SHISA7: variants seen among roughly 807,000 people sequenced by gnomAD.
The protein encoded by SHISA7 is shisa family member 7.
A neutral mutation model predicts 23.9 loss-of-function variants in SHISA7; 6 were observed. That is an observed-to-expected ratio of 0.25 (90% CI 0.14 to 0.50). The LOEUF (loss-of-function observed/expected upper bound fraction) is 0.50. Ranked by LOEUF, SHISA7 falls within the 20% of genes least tolerant of loss-of-function variation. SHISA7 has a pLI of 0.98. For synonymous variants in SHISA7, 386 were observed against 398.3 expected (o/e 0.97, Z 0.37); for missense variants, 671 against 801.1 (o/e 0.84, Z 1.96).
At chr19:55,434,636 G>T (rs1004969841) in intron 3 of SHISA7, among the ~76,000 whole-genome samples, 6 of 107,448 alleles carry the variant, frequency 5.6e-5, no homozygotes, top group Non-Finnish European at 1.1e-4. Context: ...TGTGGTGTGT[G>T]TGGTTGTGTG....
chr19:55,429,711 T>C lies in SHISA7; in HGVS notation c.*3445A>G, dbSNP rs917891845. On this transcript the variant is annotated 3_prime_UTR_variant, in exon 4 of 4. Coordinates refer to ENST00000376325, the MANE Select transcript of SHISA7 (RefSeq NM_001145176.2). ...AATGGCCGCCCCCGCAACATGGCTATGTACAAAGAGAATTGAGGGAAGATT... is the reference window on the plus strand; with the variant it reads ...AATGGCCGCCCCCGCAACATGGCTACGTACAAAGAGAATTGAGGGAAGATT... The C allele has an allele frequency of 6.6e-6, 1 of 152,084 alleles. No individual in the cohort carries two copies. Among genetic ancestry groups the C allele is most frequent in the Non-Finnish European group, 1.5e-5 (1 of 68,054 alleles). 9.4% of individuals were successfully genotyped at this position (152,084 alleles called of 1,614,324 possible).
At position 55,433,463 on chromosome 19, in the gene SHISA7, A is replaced by T; in HGVS notation, c.1310T>A (p.Leu437Gln). 7.3e-7 allele frequency: 1 copy of T among 1,365,768 alleles called. No homozygotes were observed. 84.6% of individuals were successfully genotyped at this position (1,365,768 alleles called of 1,614,324 possible). A position where few individuals can be genotyped will look rare whatever the true frequency, so the allele number is the denominator to read the frequency against. The change falls in exon 4 of 4, where the codon CTG (leucine) becomes CAG (glutamine). Residue 437 changes from leucine to glutamine, a missense_variant. Leu to Gln is a moderately radical substitution (Grantham distance 113). Coordinates refer to ENST00000376325, the MANE Select transcript of SHISA7 (RefSeq NM_001145176.2). The surrounding 1 kb of genome is among the most constrained non-coding windows in gnomAD (Gnocchi z 8.4). ...GGCCCGGGCGGTGGGGTCGGGGGGC[A>T]GCGCGGGGCTGCGCGGGGGCGACAG... ...HLLSPPRSPALPPDPTARASL... is the reference protein window; with the variant it reads ...HLLSPPRSPAQPPDPTARASL...
At chr19:55,434,852 T>G (rs1242715550) in intron 3 of SHISA7, among the ~76,000 whole-genome samples, 3 of 84,922 alleles carry the variant, frequency 3.5e-5, no homozygotes, top group East Asian at 4.1e-4. Context: ...TGTGTGTGCG[T>G]GTGTGTATAT....
intron 2 of SHISA7, among the ~76,000 whole-genome samples, chr19:55,438,039 C>T (rs567627822): frequency 4.9e-4 from 71 of 143,938 alleles, no homozygotes; most frequent in African/African-American, 1.6e-3. Context: ...CGTCCAGGCC[C>T]CCAGCCCCTC....
Position 55,431,510 on chromosome 19 carries a change from C to A in SHISA7, c.*1646G>T, listed in dbSNP as rs1985207200. ...GGGGAGTCTTGGCAGATGGTGACAC[C>A]ATTAGTCATGGTAAATCCTGGAAGA... On this transcript the variant is annotated 3_prime_UTR_variant, in exon 4 of 4. Transcript: ENST00000376325. 2 of 151,992 alleles carry A rather than the reference C, an allele frequency of 1.3e-5. No homozygotes were observed. Among genetic ancestry groups the A allele is most frequent in the Non-Finnish European group, 2.9e-5 (2 of 67,984 alleles). 9.4% of individuals were successfully genotyped at this position (151,992 alleles called of 1,614,324 possible). A position where few individuals can be genotyped will look rare whatever the true frequency, so the allele number is the denominator to read the frequency against.
intron 3 of SHISA7, among the ~76,000 whole-genome samples, chr19:55,434,504 GT>G: frequency 7.8e-6 from 1 of 127,408 alleles, no homozygotes; most frequent in East Asian, 2.6e-4. Context: ...TATGTGGTGT[GT>G]ATGTGGTGTG....
chr19:55,435,225 T>C (rs1382539514), intron 3 of SHISA7, among the ~76,000 whole-genome samples: 9 of 123,866 alleles, frequency 7.3e-5, no homozygotes, highest in Non-Finnish European at 1.3e-4. Flanking sequence ...GGTGTGTGTG[T>C]ATGTGTGTGT....
chr19:55,441,393 C>T lies in SHISA7; in HGVS notation c.672-628G>A, dbSNP rs548719595. Among the ~76,000 whole-genome samples the T allele has an allele frequency of 2.7e-3, 412 of 152,266 alleles. 4 individuals carry two copies. The highest frequency in any genetic ancestry group is 2.9e-3 in the Non-Finnish European group (200 of 68,028). ...AGGACCCTGCAGTGGCCCCATCACA[C>T]TTAGGATAAACCCGGGCCCGCCTAC... On this transcript the variant is annotated intron_variant, in intron 1 of 3. Coordinates refer to ENST00000376325, the MANE Select transcript of SHISA7 (RefSeq NM_001145176.2).
chr19:55,438,589 G>A (rs938903153), intron 2 of SHISA7: 53 of 1,304,198 alleles, frequency 4.1e-5, no homozygotes, highest in East Asian at 5.5e-5. Context: ...GCTTGGGGCT[G>A]TTGACGTTGA....
At position 55,431,658 on chromosome 19, in the gene SHISA7, G is replaced by A. The variant is rs1379273845; in HGVS notation, c.*1498C>T. On this transcript the variant is annotated 3_prime_UTR_variant, in exon 4 of 4. Coordinates refer to ENST00000376325, the MANE Select transcript of SHISA7 (RefSeq NM_001145176.2). ...TGGCGGGTGTTGTGTGATGCTGACA[G>A]TGTCAGTGAGGGCAAGAGTAGGTGT... 2.6e-5 allele frequency: 4 copies of A among 152,162 alleles called. No individual in the cohort carries two copies. Among genetic ancestry groups the A allele is most frequent in the Non-Finnish European group, 5.9e-5 (4 of 68,050 alleles). The allele number at this position is 152,162 out of a possible 1,614,324, so 9.4% of individuals were successfully genotyped here. A position where few individuals can be genotyped will look rare whatever the true frequency, so the allele number is the denominator to read the frequency against.
chr19:55,436,603 C>CAAAAA (rs35561645), intron 3 of SHISA7, among the ~76,000 whole-genome samples: 1 of 114,634 alleles, frequency 8.7e-6, no homozygotes, highest in Non-Finnish European at 1.9e-5. Context: ...GACTCTGTCT[C>CAAAAA]AAAAAAAAAA....
At chr19:55,434,992 G>C (rs1169492533) in intron 3 of SHISA7, among the ~76,000 whole-genome samples, 45 of 122,930 alleles carry the variant, frequency 3.7e-4, no homozygotes, top group South Asian at 8.8e-4. Flanking sequence ...GGTGTGTATG[G>C]TGTGTGTGTG....
intron 3 of SHISA7, among the ~76,000 whole-genome samples, chr19:55,434,850 CGTGTGTGTAT>C (rs1267788649): frequency 2.9e-5 from 1 of 34,974 alleles, no homozygotes. Flanking sequence ...TGTGTGTGTG[CGTGTGTGTAT>C]ATGTGGTGTG....
intron 3 of SHISA7, among the ~76,000 whole-genome samples, chr19:55,434,339 TGC>T (rs1364616950): frequency 5.8e-4 from 71 of 122,084 alleles, no homozygotes; most frequent in African/African-American, 2.2e-3. Flanking sequence ...GTGGTGTGTG[TGC>T]GTGTGTGGTG....
At chr19:55,435,264 TGTGTGC>T (rs553638913) in intron 3 of SHISA7, among the ~76,000 whole-genome samples, 150 of 132,678 alleles carry the variant, frequency 1.1e-3, no homozygotes, top group African/African-American at 4.1e-3. Context: ...GGTGTGTATG[TGTGTGC>T]GTGTGTGCGT....
chr19:55,442,174 C>A lies in SHISA7; in HGVS notation c.671+19G>T. ...CCCCGCCCCAGGCTCGCAGTCCTCC[C>A]GCCCGAGAGCACACGCACCTGGGCA... On this transcript the variant is annotated intron_variant, in intron 1 of 3. Coordinates refer to ENST00000376325, the MANE Select transcript of SHISA7 (RefSeq NM_001145176.2). The A allele has an allele frequency of 6.6e-7, 1 of 1,526,506 alleles. No homozygotes were observed. The allele number at this position is 1,526,506 out of a possible 1,614,324, so 94.6% of individuals were successfully genotyped here.
intron 3 of SHISA7, among the ~76,000 whole-genome samples, chr19:55,434,762 GT>G (rs1985354415): frequency 8.2e-6 from 1 of 122,192 alleles, no homozygotes; most frequent in Non-Finnish European, 1.7e-5. Flanking sequence ...TGTGGTGTGT[GT>G]GGTGTGTGGT....
rs567466643 is a variant in SHISA7, at chr19:55,432,654, T to C, written c.*502A>G. Reference sequence around the variant, plus strand: ...GAAAATATCTTCCCCATGGCGATGATGCCAAAAGAGGCCTTGGAGTTAGAG... The same window carrying C: ...GAAAATATCTTCCCCATGGCGATGACGCCAAAAGAGGCCTTGGAGTTAGAG... On this transcript the variant is annotated 3_prime_UTR_variant, in exon 4 of 4. Coordinates refer to ENST00000376325, the MANE Select transcript of SHISA7 (RefSeq NM_001145176.2). This position sits in a 1 kb window ranked among gnomAD's most constrained non-coding sequence, Gnocchi z 4.6. 6.5e-6 allele frequency: 1 copy of C among 153,392 alleles called. No homozygotes were observed. Among genetic ancestry groups the C allele is most frequent in the Non-Finnish European group, 1.5e-5 (1 of 68,506 alleles). The allele number at this position is 153,392 out of a possible 1,614,324, so 9.5% of individuals were successfully genotyped here. A position where few individuals can be genotyped will look rare whatever the true frequency, so the allele number is the denominator to read the frequency against.
Position 55,433,903 on chromosome 19 carries a change from A to C in SHISA7, c.977-107T>G. On this transcript the variant is annotated intron_variant, in intron 3 of 3. Coordinates refer to ENST00000376325, the MANE Select transcript of SHISA7 (RefSeq NM_001145176.2). This position sits in a 1 kb window ranked among gnomAD's most constrained non-coding sequence, Gnocchi z 8.4. ...CTCCTATGCTCCTTGTGCCCCCACA[A>C]GGATCCTGGGCATCAGGCTAGCTGT... The C allele has an allele frequency of 1.6e-6, 2 of 1,253,844 alleles. No individual in the cohort carries two copies. Among genetic ancestry groups the C allele is most frequent in the Non-Finnish European group, 2.0e-6 (2 of 978,374 alleles). The allele number at this position is 1,253,844 out of a possible 1,614,324, so 77.7% of individuals were successfully genotyped here.
Sources: gnomAD v4.1 joint callset for allele counts (sites outside exome capture counted in the v4.1 genomes callset) on GRCh38, gnomAD v4.1.1 for gene constraint, Gnocchi (gnomAD v3.1) non-coding constraint, MANE v1.5 for transcripts, NCBI Gene and HGNC (gene_info 2026-07-23, HGNC 2026-07-21) for gene names.